GART: variants seen among roughly 807,000 people sequenced by gnomAD.
The protein encoded by GART is trifunctional purine biosynthetic protein adenosine-3.
Under a neutral mutation model 107.2 loss-of-function variants are expected in GART, and 43 were observed. The ratio of observed to expected loss-of-function variants is 0.40; its 90% CI spans 0.31 to 0.52. GART has a LOEUF of 0.52. Ranked by LOEUF, GART falls within the 20% of genes least tolerant of loss-of-function variation. The pLI is 0.52. For synonymous variants in GART, 434 were observed against 427.0 expected, an observed-to-expected ratio of 1.02 and a Z score of -0.20; for missense variants, 1,107 against 1,206.5, an observed-to-expected ratio of 0.92 and a Z score of 1.22.
intron 16 of GART, among the ~76,000 whole-genome samples, chr21:33,515,327 C>T (rs145217636): frequency 6.6e-6 from 1 of 152,288 alleles, no homozygotes; most frequent in African/African-American, 2.4e-5. Flanking sequence ...AAAAGTTTCT[C>T]TGACTTTATT....
chr21:33,510,922 ATACAG>A (rs1196699121), intron 17 of GART, among the ~76,000 whole-genome samples: 4 of 152,088 alleles, frequency 2.6e-5, no homozygotes, highest in Admixed American at 2.6e-4. Context: ...GTCCTGACTG[ATACAG>A]TACTTGTCAG....
intron 16 of GART, among the ~76,000 whole-genome samples, chr21:33,515,837 G>C (rs1273572031): frequency 6.6e-6 from 1 of 152,026 alleles, no homozygotes; most frequent in Non-Finnish European, 1.5e-5. Flanking sequence ...CTAGTGGGTG[G>C]TATCTATGTC....
rs568356058 is a variant in GART, at chr21:33,515,769, G to A, written c.2107+1220C>T. 9.2e-5 allele frequency among the ~76,000 whole-genome samples: 14 copies of A among 151,358 alleles called. No homozygotes were observed. The East Asian group carries it at 2.5e-3, about 27-fold the overall frequency. Reference sequence around the variant, plus strand: ...AAATTATTCCACTTCCCTTTTACCAGTATGTTTCTTCAAACAGAAATCTCT... The same window carrying A: ...AAATTATTCCACTTCCCTTTTACCAATATGTTTCTTCAAACAGAAATCTCT... On this transcript the variant is annotated intron_variant, in intron 16 of 21. Transcript: ENST00000381815.
intron 17 of GART, among the ~76,000 whole-genome samples, chr21:33,510,748 C>T (rs2084771217): frequency 6.6e-6 from 1 of 152,160 alleles, no homozygotes; most frequent in Non-Finnish European, 1.5e-5. Flanking sequence ...CAGGTAAAGT[C>T]AACAAGGTCT....
intron 10 of GART, 144 bp from the exon 11 acceptor site, chr21:33,525,144 T>C: frequency 1.4e-6 from 2 of 1,391,616 alleles, no homozygotes; most frequent in Non-Finnish European, 1.9e-6. Flanking sequence ...TCCAGCACTT[T>C]GGGAGGCTGA....
At chr21:33,509,148 A>C (rs1389659195) in intron 18 of GART, 1 of 152,228 alleles carries the variant, frequency 6.6e-6, no homozygotes, top group African/African-American at 2.4e-5. Flanking sequence ...TCGGGGGGCT[A>C]ATAAGGCGGA....
chr21:33,512,214 G>A (rs2084796470), intron 16 of GART, among the ~76,000 whole-genome samples: 1 of 149,910 alleles, frequency 6.7e-6, no homozygotes, highest in African/African-American at 2.5e-5. Flanking sequence ...AACCTGGGAG[G>A]TGGAGGTTGC....
chr21:33,521,355 G>C (rs1489686982), intron 12 of GART, among the ~76,000 whole-genome samples: 1 of 152,138 alleles, frequency 6.6e-6, no homozygotes, highest in African/African-American at 2.4e-5. Flanking sequence ...ATTAAGGCTG[G>C]GCGTGGTGGC....
intron 6 of GART, 94 bp downstream of exon 6, chr21:33,531,395 A>T: frequency 9.4e-7 from 1 of 1,060,752 alleles, no homozygotes; most frequent in Non-Finnish European, 1.4e-6. Context: ...TTTTTAGATG[A>T]AGCAACCAGA....
At chr21:33,530,931 A>C in intron 6 of GART, 47 bp from the exon 7 acceptor site, 1 of 1,022,982 alleles carries the variant, frequency 9.8e-7, no homozygotes, top group African/African-American at 1.7e-5. Context: ...GTCAAAAACT[A>C]AAAAAAAAAA....
intron 11 of GART, among the ~76,000 whole-genome samples, chr21:33,523,845 T>TA: frequency 6.6e-6 from 1 of 151,170 alleles, no homozygotes; most frequent in Admixed American, 6.6e-5. Context: ...CAGGCACCTG[T>TA]AATCCCAGCT....
At chr21:33,528,641 G>GA (rs777753489) in intron 8 of GART, 37 bp from the exon 9 acceptor site, 1 of 1,233,658 alleles carries the variant, frequency 8.1e-7, no homozygotes, top group South Asian at 1.5e-5. Context: ...AAGAGAGAAA[G>GA]AAAATCTATG....
chr21:33,531,331 T>C, intron 6 of GART, 158 bp downstream of exon 6: 1 of 681,886 alleles, frequency 1.5e-6, no homozygotes, highest in Non-Finnish European at 2.5e-6. Context: ...ATTTTTTCAT[T>C]TGCACCCCCA....
intron 20 of GART, 93 bp downstream of exon 20, chr21:33,505,468 G>T: frequency 2.0e-6 from 2 of 1,000,398 alleles, no homozygotes; most frequent in Non-Finnish European, 2.9e-6. Context: ...TTCTGGGATG[G>T]GTGTTCACTA....
At chr21:33,530,564 T>C (rs2085166251) in intron 7 of GART, 195 bp downstream of exon 7, 1 of 430,372 alleles carries the variant, frequency 2.3e-6, no homozygotes, top group African/African-American at 2.1e-5. Context: ...TGGCTTATTT[T>C]AGTTCTTCAA....
intron 14 of GART, 69 bp from the exon 15 acceptor site, chr21:33,517,677 G>C (rs144089530): frequency 0.023 from 35,554 of 1,513,496 alleles, 517 homozygotes; most frequent in Non-Finnish European, 0.026. Flanking sequence ...AGTGGCACAG[G>C]CTACTCTTAA....
chr21:33,524,226 T>G, intron 11 of GART: 1 of 985,554 alleles, frequency 1.0e-6, no homozygotes, highest in Non-Finnish European at 1.2e-6. Context: ...ATGTTTCAAA[T>G]ACAACACTAT....
intron 4 of GART, among the ~76,000 whole-genome samples, chr21:33,534,331 G>T (rs1218097182): frequency 6.6e-6 from 1 of 151,888 alleles, no homozygotes; most frequent in East Asian, 1.9e-4. Context: ...TCCCACCTTG[G>T]CCTTTAGAGG....
chr21:33,528,940 G>A lies in GART; in HGVS notation c.724-3C>T, dbSNP rs2085128855. On this transcript the variant is annotated splice_polypyrimidine_tract_variant and splice_region_variant and intron_variant, in intron 7 of 21. Transcript: ENST00000381815. ...TTTAGTAATAGATCATTAGAAACCT[G>A]GAGAACGTGCAGAAACAGTTAAATG... 2 of 1,597,638 alleles carry A rather than the reference G, an allele frequency of 1.3e-6. No homozygotes were observed. The highest frequency in any genetic ancestry group is 1.7e-5 in the Admixed American group (1 of 59,868).
Sources: gnomAD v4.1 joint callset for allele counts (sites outside exome capture counted in the v4.1 genomes callset) on GRCh38, gnomAD v4.1.1 for gene constraint, MANE v1.5 for transcripts, NCBI Gene and HGNC (gene_info 2026-07-23, HGNC 2026-07-21) for gene names.